The following REXO5 variants were observed in gnomAD, a reference collection of about 807,000 sequenced individuals.
REXO5 encodes the protein exonuclease NEF-sp.
REXO5 carries 48 observed loss-of-function variants against 88.5 expected under a neutral mutation model. The ratio of observed to expected loss-of-function variants is 0.54; its 90% CI spans 0.43 to 0.69. The LOEUF (loss-of-function observed/expected upper bound fraction) is 0.69. REXO5 is among the 30% of genes least tolerant of loss of function. The pLI, the probability that REXO5 is intolerant of heterozygous loss-of-function variation, is 0.00. For synonymous variants in REXO5, 311 were observed against 336.5 expected (o/e 0.92, Z 0.83); for missense variants, 749 against 912.2 (o/e 0.82, Z 2.30).
Position 20,839,858 on chromosome 16 carries a change from G to C in REXO5, c.1487G>C (p.Arg496Thr). The C allele has an allele frequency of 6.3e-7, 1 of 1,590,516 alleles. No individual in the cohort carries two copies. Among genetic ancestry groups the C allele is most frequent in the East Asian group, 2.2e-5 (1 of 44,748 alleles). The change falls in exon 14 of 20, where the codon AGG (arginine) becomes ACG (threonine). Residue 496 changes from arginine to threonine, a missense_variant and splice_region_variant. Physicochemically the swap from Arg to Thr is moderately conservative, Grantham distance 71 (BLOSUM62 -1). Transcript: ENST00000261377. ...GTCCTCACTGAGGAGATGAACAAAA[G>C]GGTAAGTGAATGGGTTCTGCTGAAT... ...SPVLTEEMNK[R>T]MRIKWTEIST...
At chr16:20,835,076 G>C (rs933282801) in intron 13 of REXO5, among the ~76,000 whole-genome samples, 2 of 152,134 alleles carry the variant, frequency 1.3e-5, no homozygotes, top group Non-Finnish European at 2.9e-5. Flanking sequence ...ATAAATATTT[G>C]TGAGCTTTGG....
At chr16:20,810,515 C>T (rs1041665134) in intron 2 of REXO5, among the ~76,000 whole-genome samples, 1 of 152,126 alleles carries the variant, frequency 6.6e-6, no homozygotes, top group East Asian at 1.9e-4. Context: ...ATTCTCCTAC[C>T]TCAGCCTCCT....
At chr16:20,826,782 TAA>T (rs1272850009) in intron 8 of REXO5, among the ~76,000 whole-genome samples, 1 of 152,240 alleles carries the variant, frequency 6.6e-6, no homozygotes, top group East Asian at 1.9e-4. Context: ...AGATTCATTG[TAA>T]AGCAGCTCAT....
In REXO5 at chr16:20,807,058, T is replaced by G. The variant is rs201747673; in HGVS notation, c.105T>G (p.Gly35=). 2.4e-5 allele frequency: 38 copies of G among 1,605,032 alleles called. No individual in the cohort carries two copies. The highest frequency in any genetic ancestry group is 3.1e-5 in the Non-Finnish European group (37 of 1,176,630). The change falls in exon 2 of 20, where the codon GGT becomes GGG. Residue 35 remains glycine (G), a synonymous_variant. Transcript: ENST00000261377. ...GGGCAGCTGAGGCGATGAAAGCCGG[T>G]TGGGATCTCGAGGAGAGTCAGCCCG... is the stretch of plus-strand genomic sequence containing the variant. ...LVGAAEAMKA[G]WDLEESQPEA... is the part of the protein sequence containing the mutation.
rs375135867 is a variant in REXO5, at chr16:20,832,149, C to T, written c.1159-7C>T. The T allele has an allele frequency of 6.7e-4, 1,052 of 1,577,270 alleles. 1 individual carries two copies. Among genetic ancestry groups the T allele is most frequent in the Non-Finnish European group, 8.3e-4 (954 of 1,154,036 alleles). ...AATTATATTTTTACCACTTTGTTTT[C>T]TTCAAGATTGCAGAACTAAATCTAG... On this transcript the variant is annotated splice_region_variant and splice_polypyrimidine_tract_variant and intron_variant, in intron 11 of 19. Coordinates refer to ENST00000261377, the MANE Select transcript of REXO5 (RefSeq NM_030941.3).
In REXO5 at chr16:20,833,002, G is replaced by A; in HGVS notation, c.1263-1G>A. The A allele has an allele frequency of 6.2e-7, 1 of 1,611,476 alleles. No individual in the cohort carries two copies. Among genetic ancestry groups the A allele is most frequent in the South Asian group, 1.1e-5 (1 of 90,808 alleles). On this transcript the variant is annotated splice_acceptor_variant, in intron 12 of 19. Coordinates refer to ENST00000261377, the MANE Select transcript of REXO5 (RefSeq NM_030941.3). LOFTEE classifies it high-confidence loss of function. ...ACCTTAACTCTTCTACTTCTTTATAGTGTTTTAGAATGCTTGGATTCAGTG... is the reference window on the plus strand; with the variant it reads ...ACCTTAACTCTTCTACTTCTTTATAATGTTTTAGAATGCTTGGATTCAGTG...
At position 20,814,952 on chromosome 16, in the gene REXO5, CA is replaced by C; in HGVS notation, c.278del (p.His93ProfsTer2). On this transcript the variant is annotated frameshift_variant, in exon 4 of 20. Transcript: ENST00000261377. LOFTEE classifies it high-confidence loss of function. ...PSWCQLFHQNHLNNVVVFVLQ... is the reference protein window; with the variant it reads ...PSWCQLFHQNXLNNVVVFVLQ... ...CTGGTGCCAGCTTTTTCATCAAAAC[CA>C]CCTAAACAACGTAGTGGTTTTTGTT... is the stretch of plus-strand genomic sequence containing the variant. The C allele has an allele frequency of 1.2e-6, 2 of 1,613,006 alleles. 1 individual carries two copies. The highest frequency in any genetic ancestry group is 2.2e-5 in the South Asian group (2 of 90,800).
At chr16:20,837,530 A>G (rs2081451705) in intron 13 of REXO5, among the ~76,000 whole-genome samples, 1 of 152,040 alleles carries the variant, frequency 6.6e-6, no homozygotes, top group Non-Finnish European at 1.5e-5. Context: ...TTTCATTTGT[A>G]TACTCCTAAT....
At chr16:20,816,585 C>G (rs987465880) in intron 5 of REXO5, among the ~76,000 whole-genome samples, 2 of 152,146 alleles carry the variant, frequency 1.3e-5, no homozygotes, top group African/African-American at 2.4e-5. Context: ...AAGTGATCTT[C>G]CCACCTTGGC....
rs777348643 is a variant in REXO5 at position 20,815,022 on chromosome 16, A to C, written c.347A>C (p.Glu116Ala). The C allele has an allele frequency of 6.2e-6, 10 of 1,613,238 alleles. No homozygotes were observed. Among genetic ancestry groups the C allele is most frequent in the Non-Finnish European group, 7.6e-6 (9 of 1,179,888 alleles). The change falls in exon 4 of 20, where the codon GAG becomes GCG. Residue 116 changes from glutamate (E) to alanine (A), a missense_variant. Transcript: ENST00000261377. The part of the protein sequence containing the change: ...SQLHFYRFYL[E>A]FGCLRKAFRH... ...CTACACTTTTACAGGTTCTATTTGGAGTTTGGATGTCTTCGAAAAGCATTC... is the reference window on the plus strand; with the variant it reads ...CTACACTTTTACAGGTTCTATTTGGCGTTTGGATGTCTTCGAAAAGCATTC...
intron 5 of REXO5, among the ~76,000 whole-genome samples, chr16:20,817,313 T>C (rs186901263): frequency 7.2e-5 from 11 of 152,342 alleles, no homozygotes; most frequent in Non-Finnish European, 1.0e-4. Flanking sequence ...ATTTGCACTG[T>C]ATTTTAAACA....
chr16:20,830,990 G>GTTTTTTTTTTTTTTTTTTTTTTTTTTTCT (rs11337519), intron 11 of REXO5, among the ~76,000 whole-genome samples: 1 of 97,076 alleles, frequency 1.0e-5, no homozygotes, highest in Non-Finnish European at 2.0e-5. Flanking sequence ...TTCTTTTTCT[G>GTTTTTTTTTTTTTTTTTTTTTTTTTTTCT]TTTTTTTTTT....
chr16:20,842,148 T>A (rs75627201), intron 15 of REXO5, among the ~76,000 whole-genome samples: 4,470 of 152,260 alleles, frequency 0.029, 229 homozygotes, highest in African/African-American at 0.1. Flanking sequence ...TCTCTAGAAC[T>A]TTTTCATCAT....
Position 20,813,348 on chromosome 16 carries a change from T to C in REXO5, c.251+46T>C, listed in dbSNP as rs776953293. ...GTGGGTATTGACCAGCGGTTTCTTT[T>C]TTTTTTTTTTTTTTTTACCTCTCCC... On this transcript the variant is annotated intron_variant, in intron 3 of 19. Coordinates refer to ENST00000261377, the MANE Select transcript of REXO5 (RefSeq NM_030941.3). 5,144 of 621,766 alleles carry C rather than the reference T, an allele frequency of 8.3e-3. 15 individuals are homozygous for C. Among genetic ancestry groups the C allele is most frequent in the Non-Finnish European group, 0.01 (4,100 of 409,438 alleles). The allele number at this position is 621,766 out of a possible 1,614,324, so 38.5% of individuals were successfully genotyped here. A position where few individuals can be genotyped will look rare whatever the true frequency, so the allele number is the denominator to read the frequency against.
At chr16:20,845,402 C>T (rs2081592662) in intron 18 of REXO5, among the ~76,000 whole-genome samples, 161 bp downstream of exon 18, 1 of 151,402 alleles carries the variant, frequency 6.6e-6, no homozygotes, top group Non-Finnish European at 1.5e-5. Context: ...ATCTCTCATA[C>T]TTTTGCCCCC....
intron 7 of REXO5, among the ~76,000 whole-genome samples, 191 bp downstream of exon 7, chr16:20,824,718 T>C (rs2081235497): frequency 2.0e-5 from 3 of 152,124 alleles, no homozygotes; most frequent in Non-Finnish European, 4.4e-5. Flanking sequence ...AGAATAAATA[T>C]CACATAAGTG....
intron 18 of REXO5, among the ~76,000 whole-genome samples, chr16:20,845,995 G>A (rs934352919): frequency 3.3e-5 from 5 of 152,200 alleles, no homozygotes; most frequent in African/African-American, 1.2e-4. Flanking sequence ...GTGGAGGAAA[G>A]GACAGTAGCT....
intron 14 of REXO5, 29 bp downstream of exon 14, chr16:20,839,888 T>G: frequency 7.2e-7 from 1 of 1,380,774 alleles, no homozygotes; most frequent in South Asian, 1.2e-5. Flanking sequence ...CTGAATGATT[T>G]ATTTAGTGAC....
In REXO5 at chr16:20,840,446, C is replaced by A; in HGVS notation, c.1604C>A (p.Thr535Asn). ...AGCTTTGGCCCAGTCCAGTCAATGACTTTTGTTCTTGAAACCCGTCAGGTA... is the reference window on the plus strand; with the variant it reads ...AGCTTTGGCCCAGTCCAGTCAATGAATTTTGTTCTTGAAACCCGTCAGGTA... ...FKSFGPVQSM[T>N]FVLETRQPHL... is the part of the protein sequence containing the mutation. The change falls in exon 15 of 20, where the codon ACT becomes AAT. Residue 535 changes from threonine to asparagine, a missense_variant. Coordinates refer to ENST00000261377, the MANE Select transcript of REXO5 (RefSeq NM_030941.3). 1 of 1,556,364 alleles carries A rather than the reference C, an allele frequency of 6.4e-7. No homozygotes were observed. Among genetic ancestry groups the A allele is most frequent in the Non-Finnish European group, 8.8e-7 (1 of 1,140,070 alleles).
Sources: gnomAD v4.1 joint callset for allele counts (sites outside exome capture counted in the v4.1 genomes callset) on GRCh38, gnomAD v4.1.1 for gene constraint, MANE v1.5 for transcripts, NCBI Gene and HGNC (gene_info 2026-07-23, HGNC 2026-07-21) for gene names.